The following MACROD2 variants were observed in gnomAD, a reference collection of about 807,000 sequenced individuals.
MACROD2 encodes mono-ADP ribosylhydrolase 2.
In MACROD2, 36 loss-of-function variants were observed where a neutral mutation model predicts 70.4. The observed-to-expected ratio is 0.51, with a 90% CI of 0.39 to 0.68. MACROD2 has a LOEUF of 0.68. Among genes scored for constraint, MACROD2 ranks in the 30% least tolerant of loss-of-function variants. The pLI, the probability that MACROD2 is intolerant of heterozygous loss-of-function variation, is 0.00. For missense variants in MACROD2, 496 were observed against 538.4 expected, an observed-to-expected ratio of 0.92 and a Z score of 0.78; for synonymous variants, 172 against 178.8, an observed-to-expected ratio of 0.96 and a Z score of 0.30.
chr20:16,033,485 AT>A (rs2067182560), intron 15 of MACROD2, among the ~76,000 whole-genome samples: 1 of 152,100 alleles, frequency 6.6e-6, no homozygotes, highest in African/African-American at 2.4e-5. Context: ...TATGTGGTAA[AT>A]TATTGAATGA....
chr20:15,419,821 G>A (rs2046203970), intron 6 of MACROD2, among the ~76,000 whole-genome samples: 1 of 152,124 alleles, frequency 6.6e-6, no homozygotes, highest in Admixed American at 6.5e-5. Context: ...GATGGAGAGG[G>A]GATACTTACA....
intron 4 of MACROD2, among the ~76,000 whole-genome samples, chr20:14,645,739 G>A (rs757422647): frequency 3.9e-5 from 6 of 151,964 alleles, no homozygotes; most frequent in Non-Finnish European, 8.8e-5. Flanking sequence ...GCATTTGAAG[G>A]ATTCTTTCAA....
intron 12 of MACROD2, among the ~76,000 whole-genome samples, chr20:15,954,454 A>C (rs1211627058): frequency 6.6e-6 from 1 of 152,130 alleles, no homozygotes; most frequent in African/African-American, 2.4e-5. Context: ...TGCCATCTCT[A>C]ACTATGTAAA....
At chr20:14,369,813 A>T (rs6079405) in intron 3 of MACROD2, among the ~76,000 whole-genome samples, 1 of 152,052 alleles carries the variant, frequency 6.6e-6, no homozygotes, top group African/African-American at 2.4e-5. Flanking sequence ...AAAAAGATGC[A>T]TTCAAAGTAG....
At chr20:14,116,506 G>A (rs943194259) in intron 3 of MACROD2, among the ~76,000 whole-genome samples, 1 of 151,944 alleles carries the variant, frequency 6.6e-6, no homozygotes, top group Non-Finnish European at 1.5e-5. Context: ...GTATCAGTGG[G>A]GCTGCCCTAA....
chr20:16,027,886 A>T (rs2067102011), intron 15 of MACROD2, among the ~76,000 whole-genome samples: 1 of 152,190 alleles, frequency 6.6e-6, no homozygotes, highest in African/African-American at 2.4e-5. Flanking sequence ...GGCAGCCCCC[A>T]GCTGAGAAGG....
chr20:14,403,268 A>AT (rs905567640), intron 3 of MACROD2, among the ~76,000 whole-genome samples: 16 of 152,108 alleles, frequency 1.1e-4, no homozygotes, highest in Non-Finnish European at 2.1e-4. Flanking sequence ...TCACTGGATG[A>AT]TTTTTCATTA....
At chr20:14,970,641 A>T (rs2122799856) in intron 5 of MACROD2, among the ~76,000 whole-genome samples, 1 of 152,132 alleles carries the variant, frequency 6.6e-6, no homozygotes, top group African/African-American at 2.4e-5. Flanking sequence ...TTTTTAAAAA[A>T]TTTATTTAGT....
chr20:15,341,377 T>G (rs529015006), intron 6 of MACROD2, among the ~76,000 whole-genome samples: 2 of 152,294 alleles, frequency 1.3e-5, no homozygotes, highest in African/African-American at 4.8e-5. Flanking sequence ...TATAGTATCT[T>G]ATGAATTGCC....
At chr20:14,138,577 C>G (rs2054829871) in intron 3 of MACROD2, among the ~76,000 whole-genome samples, 2 of 151,986 alleles carry the variant, frequency 1.3e-5, no homozygotes, top group South Asian at 4.2e-4. Context: ...TTAGAGCATG[C>G]AATTTAGTAT....
intron 15 of MACROD2, among the ~76,000 whole-genome samples, chr20:16,013,818 C>T (rs2066895517): frequency 6.6e-6 from 1 of 152,198 alleles, no homozygotes; most frequent in African/African-American, 2.4e-5. Context: ...TAATGGCATC[C>T]TATTACTGCC....
chr20:15,148,009 G>A (rs1410442046), intron 5 of MACROD2, among the ~76,000 whole-genome samples: 1 of 152,046 alleles, frequency 6.6e-6, no homozygotes, highest in Admixed American at 6.5e-5. Context: ...AGGTCACAGG[G>A]GATATGATGG....
intron 3 of MACROD2, chr20:14,324,103 A>G (rs867265895): frequency 1.3e-5 from 2 of 152,732 alleles, no homozygotes. Flanking sequence ...TAGTAACACA[A>G]TCCTGAAAAA....
At chr20:15,045,490 CATG>C (rs1216053429) in intron 5 of MACROD2, among the ~76,000 whole-genome samples, 4 of 152,108 alleles carry the variant, frequency 2.6e-5, no homozygotes, top group African/African-American at 9.7e-5. Flanking sequence ...GCGCGGAAAA[CATG>C]ATGTTTAGCT....
chr20:14,341,635 T>C (rs1444117363), intron 3 of MACROD2, among the ~76,000 whole-genome samples: 1 of 152,172 alleles, frequency 6.6e-6, no homozygotes, highest in East Asian at 1.9e-4. Context: ...CGAAACTCCA[T>C]CTCAAAAAGA....
chr20:14,419,591 A>G (rs2083852908), intron 3 of MACROD2, among the ~76,000 whole-genome samples: 1 of 152,094 alleles, frequency 6.6e-6, no homozygotes, highest in Non-Finnish European at 1.5e-5. Context: ...GTGTATTTAG[A>G]CCTACCTTTA....
intron 8 of MACROD2, among the ~76,000 whole-genome samples, chr20:15,716,714 T>C (rs1167266568): frequency 6.6e-6 from 1 of 152,164 alleles, no homozygotes; most frequent in Non-Finnish European, 1.5e-5. Context: ...GAATAAAAAC[T>C]CACAGTGAAA....
intron 3 of MACROD2, among the ~76,000 whole-genome samples, chr20:14,304,676 G>A (rs890886734): frequency 6.6e-6 from 1 of 151,950 alleles, no homozygotes; most frequent in Non-Finnish European, 1.5e-5. Flanking sequence ...TCCTAGTACT[G>A]GGTCAATCCA....
chr20:15,667,469 A>G (rs1243624502), intron 8 of MACROD2, among the ~76,000 whole-genome samples: 1 of 146,656 alleles, frequency 6.8e-6, no homozygotes, highest in East Asian at 2.0e-4. Context: ...TACACTATCT[A>G]TGTATCTATG....
Sources: allele counts gnomAD v4.1 joint callset (sites outside exome capture counted in the v4.1 genomes callset), GRCh38; gene constraint gnomAD v4.1.1; transcripts MANE v1.5; gene names NCBI Gene and HGNC (gene_info 2026-07-23, HGNC 2026-07-21).